The following HIVEP3 variants were observed in gnomAD, a reference collection of about 807,000 sequenced individuals.
The protein encoded by HIVEP3 is transcription factor HIVEP3.
A neutral mutation model predicts 152.8 loss-of-function variants in HIVEP3; 49 were observed. The observed-to-expected ratio is 0.32, with a 90% confidence interval of 0.26 to 0.41. The LOEUF (loss-of-function observed/expected upper bound fraction) is 0.41, where lower values mean the gene tolerates loss of function less well. Among genes scored for constraint, HIVEP3 ranks in the 10% least tolerant of loss-of-function variants. The probability of loss-of-function intolerance (pLI) is 1.00; values close to 1 mark genes in which losing one functional copy is unlikely to be tolerated. For synonymous variants in HIVEP3, 1,269 were observed against 1,289.0 expected (o/e 0.98, Z 0.33); for missense variants, 2,790 against 3,103.3 (o/e 0.90, Z 2.40).
intron 2 of HIVEP3, among the ~76,000 whole-genome samples, chr1:41,650,484 C>G (rs1645531604): frequency 6.6e-6 from 1 of 151,660 alleles, no homozygotes; most frequent in African/African-American, 2.4e-5. Flanking sequence ...ATAATCTCAT[C>G]TAATCATCAC....
chr1:41,749,397 G>C lies in HIVEP3; in HGVS notation c.-800-48402C>G, dbSNP rs569807229. Among the ~76,000 whole-genome samples, 12 of 32,492 alleles carry C rather than the reference G, an allele frequency of 3.7e-4. No homozygotes were observed. In the South Asian group the frequency reaches 0.012, roughly 31 times the overall value. 21.3% of individuals were successfully genotyped at this position (32,492 alleles called of 152,430 possible). A position where few individuals can be genotyped will look rare whatever the true frequency, so the allele number is the denominator to read the frequency against. ...GCTCTCTGGACTCTCTGAAACCTTA[G>C]AAAAAATTGTGTGTGTGTGTGTGTG... On this transcript the variant is annotated intron_variant, in intron 1 of 8. Coordinates refer to ENST00000372583, the MANE Select transcript of HIVEP3 (RefSeq NM_024503.5).
In HIVEP3 at chr1:41,511,104, C is replaced by T. The variant is rs988339270; in HGVS notation, c.6568G>A (p.Ala2190Thr). The stretch of plus-strand genomic sequence containing the variant: ...CCGATGGGAATCAAGGGACATGGGG[C>T]ACGGGTCAAGTGCTGGGAGTGCAGA... ...LPLHSQHLTR[A>T]PCPLIPIGGI... The change falls in exon 9 of 9, where the codon GCC becomes ACC. Residue 2190 changes from alanine (A) to threonine (T), a missense_variant. By Grantham distance (58) the Ala-to-Thr change is moderately conservative. Around this residue, in one of 9 missense-constraint regions of HIVEP3, gnomAD observed 816 missense variants for 806.5 expected, o/e 1.01. Coordinates refer to ENST00000372583, the MANE Select transcript of HIVEP3 (RefSeq NM_024503.5). This position sits in a 1 kb window ranked among gnomAD's most constrained non-coding sequence, Gnocchi z 4.9. 6.2e-7 allele frequency: 1 copy of T among 1,614,156 alleles called. No individual in the cohort carries two copies. The highest frequency in any genetic ancestry group is 8.5e-7 in the Non-Finnish European group (1 of 1,180,014).
At chr1:41,964,572 A>T (rs1166601512) in intron 1 of HIVEP3, among the ~76,000 whole-genome samples, 1 of 152,154 alleles carries the variant, frequency 6.6e-6, no homozygotes, top group African/African-American at 2.4e-5. Flanking sequence ...TTAGACTGCC[A>T]TTTTTCCCCA....
intron 1 of HIVEP3, among the ~76,000 whole-genome samples, chr1:41,722,441 C>A (rs555343243): frequency 1.3e-5 from 2 of 149,312 alleles, no homozygotes; most frequent in African/African-American, 4.9e-5. Flanking sequence ...TCCTTCCTTC[C>A]TTCCTTCTTT....
At chr1:41,776,392 T>C (rs1211785831) in intron 1 of HIVEP3, among the ~76,000 whole-genome samples, 1 of 152,194 alleles carries the variant, frequency 6.6e-6, no homozygotes, top group African/African-American at 2.4e-5. Flanking sequence ...CTTGAGCCAG[T>C]GTTTTGGGCA....
intron 5 of HIVEP3, among the ~76,000 whole-genome samples, chr1:41,549,244 G>A (rs780649823): frequency 1.3e-5 from 2 of 152,162 alleles, no homozygotes; most frequent in Non-Finnish European, 2.9e-5. Flanking sequence ...TGGTGTATAT[G>A]TGCCACATTT....
intron 5 of HIVEP3, among the ~76,000 whole-genome samples, chr1:41,525,147 A>G (rs1049391112): frequency 3.3e-5 from 5 of 152,094 alleles, no homozygotes; most frequent in Non-Finnish European, 7.4e-5. Flanking sequence ...CCTCCTCCAG[A>G]GCAGCAGACA....
intron 1 of HIVEP3, among the ~76,000 whole-genome samples, chr1:41,763,326 G>A (rs761653343): frequency 3.0e-4 from 45 of 152,104 alleles, no homozygotes; most frequent in African/African-American, 1.0e-3. Context: ...CCCAGCTGCC[G>A]TCCCCCTCCT....
At chr1:41,701,332 T>C (rs1248359663) in intron 1 of HIVEP3, among the ~76,000 whole-genome samples, 2 of 152,266 alleles carry the variant, frequency 1.3e-5, no homozygotes, top group Admixed American at 6.5e-5. Flanking sequence ...CCCTAAGCAC[T>C]GCTCATTGTA....
At chr1:41,830,684 T>C (rs1022344764) in intron 1 of HIVEP3, among the ~76,000 whole-genome samples, 1 of 152,212 alleles carries the variant, frequency 6.6e-6, no homozygotes, top group African/African-American at 2.4e-5. Flanking sequence ...CAGAACTCTG[T>C]AGCATGGACT....
intron 1 of HIVEP3, among the ~76,000 whole-genome samples, chr1:41,716,044 C>T (rs980343165): frequency 4.6e-5 from 7 of 152,238 alleles, no homozygotes; most frequent in South Asian, 2.1e-4. Context: ...AGCAGGAGAA[C>T]GGCAGGGTGA....
Position 41,510,690 on chromosome 1 carries a change from A to G in HIVEP3, c.6982T>C (p.Trp2328Arg). ...CGCGGGGACTCCAAGCGGGGGCTCC[A>G]GGACTGCGCTGCCCGGCGTCCCTGG... Reference protein sequence around the residue: ...PPQGRRAAQSWSPRLESPRAP... With the variant: ...PPQGRRAAQSRSPRLESPRAP... The change falls in exon 9 of 9, where the codon TGG (tryptophan) becomes CGG (arginine). Residue 2328 changes from tryptophan to arginine, a missense_variant. Around this residue, in one of 9 missense-constraint regions of HIVEP3, gnomAD observed 816 missense variants for 806.5 expected, o/e 1.01. Coordinates refer to ENST00000372583, the MANE Select transcript of HIVEP3 (RefSeq NM_024503.5). 1 of 1,523,646 alleles carries G rather than the reference A, an allele frequency of 6.6e-7. No homozygotes were observed. The highest frequency in any genetic ancestry group is 1.4e-5 in the African/African-American group (1 of 72,894). The allele number at this position is 1,523,646 out of a possible 1,614,324, so 94.4% of individuals were successfully genotyped here.
At chr1:41,783,706 T>C (rs1046190958) in intron 1 of HIVEP3, among the ~76,000 whole-genome samples, 2 of 152,204 alleles carry the variant, frequency 1.3e-5, no homozygotes, top group African/African-American at 4.8e-5. Flanking sequence ...TTGCTGGAGA[T>C]GACATTCGTG....
At chr1:41,526,028 C>T (rs1285205951) in intron 5 of HIVEP3, among the ~76,000 whole-genome samples, 1 of 152,068 alleles carries the variant, frequency 6.6e-6, no homozygotes, top group East Asian at 1.9e-4. Flanking sequence ...GCACCACCTG[C>T]CCCTGCCTGG....
rs1180320687 is a variant in HIVEP3 at position 41,583,927 on chromosome 1, T to C, written c.871A>G (p.Thr291Ala). Residue 291 changes from threonine to alanine, a missense_variant, in exon 4 of 9, where the codon ACC (threonine) becomes GCC (alanine). Transcript: ENST00000372583. The surrounding 1 kb of genome is among the most constrained non-coding windows in gnomAD (Gnocchi z 6.9). ...STDSEEETSATSGHPAELSPR... is the reference protein window; with the variant it reads ...STDSEEETSAASGHPAELSPR... The stretch of plus-strand genomic sequence containing the variant: ...GAGAGCTCTGCAGGGTGACCAGAGG[T>C]GGCACTAGTCTCCTCTTCAGAATCT... The C allele has an allele frequency of 1.9e-6, 3 of 1,613,968 alleles. No homozygotes were observed. Among genetic ancestry groups the C allele is most frequent in the South Asian group, 2.2e-5 (2 of 91,082 alleles).
At chr1:41,978,647 T>C (rs1469688625) in intron 1 of HIVEP3, among the ~76,000 whole-genome samples, 1 of 152,142 alleles carries the variant, frequency 6.6e-6, no homozygotes, top group African/African-American at 2.4e-5. Context: ...TGAATACCAA[T>C]GGTAATTTTC....
chr1:41,889,563 A>T (rs565573680), intron 1 of HIVEP3, among the ~76,000 whole-genome samples: 6 of 152,358 alleles, frequency 3.9e-5, no homozygotes, highest in Non-Finnish European at 7.3e-5. Context: ...ATCAAAGGAC[A>T]GCATGGGGGA....
At chr1:41,684,088 T>C (rs939067954) in intron 2 of HIVEP3, among the ~76,000 whole-genome samples, 1 of 152,098 alleles carries the variant, frequency 6.6e-6, no homozygotes, top group African/African-American at 2.4e-5. Flanking sequence ...TTTTGACAAA[T>C]GTGGAAACTG....
chr1:41,695,785 C>T (rs1017732054), intron 2 of HIVEP3, among the ~76,000 whole-genome samples: 1 of 152,228 alleles, frequency 6.6e-6, no homozygotes, highest in African/African-American at 2.4e-5. Flanking sequence ...TATTCGTTTT[C>T]AATAAACGTG....
Sources: gnomAD v4.1 joint callset for allele counts (sites outside exome capture counted in the v4.1 genomes callset) on GRCh38, gnomAD v4.1.1 for gene constraint, gnomAD v4.1.1 regional missense constraint, Gnocchi (gnomAD v3.1) non-coding constraint, MANE v1.5 for transcripts, NCBI Gene and HGNC (gene_info 2026-07-23, HGNC 2026-07-21) for gene names.